Variants in ZNF892 observed in about 807,000 individuals in gnomAD.
The protein encoded by ZNF892 is zinc finger protein 892, also known as zinc finger protein 570-like.
the ZNF892 span, chr2:95,207,933 C>A: frequency 2.5e-6 from 1 of 398,106 alleles, no homozygotes; most frequent in South Asian, 1.3e-4. Context: ...GGAGTAGCGT[C>A]ACGAGCCCCT....
the ZNF892 span, among the ~76,000 whole-genome samples, chr2:95,252,500 G>A: frequency 7.9e-5 from 12 of 152,178 alleles, no homozygotes; most frequent in South Asian, 2.5e-3. Flanking sequence ...GGACATTTGG[G>A]TTGGTTCCAA....
the ZNF892 span, among the ~76,000 whole-genome samples, chr2:95,252,493 CATTTGGGT>C: frequency 6.6e-6 from 1 of 152,086 alleles, no homozygotes. Context: ...CATTGTTGGA[CATTTGGGT>C]TGGTTCCAAG....
chr2:95,244,438 T>TA, the ZNF892 span, among the ~76,000 whole-genome samples: 1 of 151,234 alleles, frequency 6.6e-6, no homozygotes, highest in African/African-American at 2.4e-5. Flanking sequence ...CAACAAAGAT[T>TA]AAAAAAAAGA....
chr2:95,234,189 G>C, the ZNF892 span, among the ~76,000 whole-genome samples: 1 of 152,200 alleles, frequency 6.6e-6, no homozygotes, highest in Admixed American at 6.5e-5. Context: ...CAGTGGTGCA[G>C]GTGGGAGTAG....
chr2:95,217,674 T>C, the ZNF892 span, among the ~76,000 whole-genome samples: 1 of 152,180 alleles, frequency 6.6e-6, no homozygotes, highest in Admixed American at 6.5e-5. Context: ...AGTCTAAAAC[T>C]TAGCAAGGCA....
the ZNF892 span, among the ~76,000 whole-genome samples, chr2:95,242,085 A>G: frequency 6.6e-6 from 1 of 152,240 alleles, no homozygotes; most frequent in Admixed American, 6.5e-5. Flanking sequence ...TCAGGATATC[A>G]TCCAGGAGAA....
chr2:95,212,286 A>G, the ZNF892 span: 1 of 398,550 alleles, frequency 2.5e-6, no homozygotes, highest in Non-Finnish European at 4.4e-6. Context: ...CAAAAGCGTG[A>G]GTGTTGGAAA....
chr2:95,210,517 T>G, the ZNF892 span, among the ~76,000 whole-genome samples: 1 of 152,204 alleles, frequency 6.6e-6, no homozygotes, highest in South Asian at 2.1e-4. Flanking sequence ...GTGTCTGTCA[T>G]CTAGATGAAG....
the ZNF892 span, among the ~76,000 whole-genome samples, chr2:95,230,356 C>A: frequency 6.6e-6 from 1 of 151,934 alleles, no homozygotes; most frequent in African/African-American, 2.4e-5. Context: ...CCTGTTCCCT[C>A]CAAAATTTGA....
the ZNF892 span, among the ~76,000 whole-genome samples, chr2:95,207,065 C>T: frequency 6.6e-6 from 1 of 152,194 alleles, no homozygotes; most frequent in Non-Finnish European, 1.5e-5. Context: ...ATTGAAATTC[C>T]ATTTTTCTTT....
chr2:95,219,040 C>G, the ZNF892 span, among the ~76,000 whole-genome samples: 1 of 152,126 alleles, frequency 6.6e-6, no homozygotes, highest in African/African-American at 2.4e-5. Context: ...TCGCTCTTGT[C>G]CAGGCTGGAG....
the ZNF892 span, among the ~76,000 whole-genome samples, chr2:95,250,629 TTATAAATTTATAAA>T: frequency 1.5e-5 from 2 of 137,476 alleles, no homozygotes; most frequent in African/African-American, 5.2e-5. Context: ...TATTCATAAA[TTATAAATTTATAAA>T]TATAAACTAT....
At chr2:95,254,745 G>A in the ZNF892 span, among the ~76,000 whole-genome samples, 1 of 152,120 alleles carries the variant, frequency 6.6e-6, no homozygotes, top group Non-Finnish European at 1.5e-5. Flanking sequence ...ATTAATTATT[G>A]CCTCAATTTC....
At chr2:95,251,935 A>G in the ZNF892 span, among the ~76,000 whole-genome samples, 1 of 152,240 alleles carries the variant, frequency 6.6e-6, no homozygotes, top group East Asian at 1.9e-4. Flanking sequence ...TGCAATTAAA[A>G]TATCTAATTC....
the ZNF892 span, chr2:95,215,008 G>A: frequency 1.8e-5 from 9 of 499,556 alleles, no homozygotes; most frequent in Non-Finnish European, 3.3e-5. Flanking sequence ...CAACATCAGC[G>A]AATTCATACT....
the ZNF892 span, among the ~76,000 whole-genome samples, chr2:95,231,347 A>G: frequency 2.6e-5 from 4 of 152,210 alleles, no homozygotes; most frequent in Non-Finnish European, 5.9e-5. Flanking sequence ...AAAAGTCAGC[A>G]CTGATCTATA....
chr2:95,249,556 AT>A, the ZNF892 span, among the ~76,000 whole-genome samples: 2 of 151,848 alleles, frequency 1.3e-5, no homozygotes, highest in African/African-American at 4.8e-5. Context: ...CTTGATTATA[AT>A]TTTTAATCAT....
the ZNF892 span, chr2:95,211,564 A>G: frequency 3.0e-5 from 12 of 398,086 alleles, no homozygotes; most frequent in Non-Finnish European, 4.4e-5. Context: ...ATTCCTCTTC[A>G]GAGGCCTCTG....
At chr2:95,233,704 C>T in the ZNF892 span, among the ~76,000 whole-genome samples, 6 of 140,500 alleles carry the variant, frequency 4.3e-5, no homozygotes, top group African/African-American at 1.6e-4. Flanking sequence ...AAAAAAATCT[C>T]GCTATGTTGC....
Sources: gnomAD v4.1 joint callset for allele counts (sites outside exome capture counted in the v4.1 genomes callset) on GRCh38, gnomAD v4.1.1 for gene constraint, MANE v1.5 for transcripts, NCBI Gene and HGNC (gene_info 2026-07-23, HGNC 2026-07-21) for gene names.